Variants in LPP observed in about 807,000 individuals in gnomAD.
The protein encoded by LPP is lipoma-preferred partner.
Under a neutral mutation model 60.4 loss-of-function variants are expected in LPP, and 38 were observed. That is an observed-to-expected ratio of 0.63 (90% CI 0.49 to 0.83). LPP has a LOEUF of 0.83. Ranked by LOEUF, LPP falls within the 40% of genes least tolerant of loss-of-function variation. The probability of loss-of-function intolerance (pLI) is 0.00; values close to 1 mark genes in which losing one functional copy is unlikely to be tolerated. For synonymous variants in LPP, 328 were observed against 290.8 expected, an observed-to-expected ratio of 1.13 and a Z score of -1.30; for missense variants, 902 against 783.6, an observed-to-expected ratio of 1.15 and a Z score of -1.80.
At chr3:188,872,615 C>A (rs370881182) in intron 10 of LPP, 28 bp from the exon 11 acceptor site, 2 of 1,613,884 alleles carry the variant, frequency 1.2e-6, no homozygotes, top group Non-Finnish European at 1.7e-6. Flanking sequence ...CGCGCAGTAT[C>A]TAACCAGAAC....
At chr3:188,650,342 A>G (rs1368851928) in intron 7 of LPP, among the ~76,000 whole-genome samples, 2 of 152,180 alleles carry the variant, frequency 1.3e-5, no homozygotes, top group Non-Finnish European at 2.9e-5. Flanking sequence ...GTGAGCCAGA[A>G]TCCCCTGTAC....
intron 2 of LPP, among the ~76,000 whole-genome samples, chr3:188,265,880 T>TGTGC (rs943418571): frequency 6.6e-6 from 1 of 150,984 alleles, no homozygotes; most frequent in Non-Finnish European, 1.5e-5. Flanking sequence ...GGTGTGTGTG[T>TGTGC]GTGTGTGTGT....
intron 2 of LPP, among the ~76,000 whole-genome samples, chr3:188,238,374 A>C (rs1037309008): frequency 2.0e-5 from 3 of 150,418 alleles, no homozygotes; most frequent in African/African-American, 7.3e-5. Flanking sequence ...TCCTTTATGA[A>C]CTTTTTTTTT....
rs10576864 is a variant in LPP, at chr3:188,733,290, C to CGTGTGTGTGTGTGT, written c.1240+24912_1240+24925dup. 2.5e-4 allele frequency among the ~76,000 whole-genome samples: 37 copies of CGTGTGTGTGTGTGT among 147,180 alleles called. No individual in the cohort carries two copies. The South Asian group carries it at 6.3e-3, about 25-fold the overall frequency. ...GAATCTTACTTTACTTCACCAAAAA[C>CGTGTGTGTGTGTGT]GTGTGTGTGTGTGTGTGTGTGTGTG... On this transcript the variant is annotated intron_variant, in intron 8 of 11. Coordinates refer to ENST00000617246, the MANE Select transcript of LPP (RefSeq NM_001375462.1).
At chr3:188,249,804 C>T (rs2149543741) in intron 2 of LPP, among the ~76,000 whole-genome samples, 1 of 149,132 alleles carries the variant, frequency 6.7e-6, no homozygotes. Flanking sequence ...CCCCCTTCCT[C>T]CCTCCCTTCC....
intron 2 of LPP, among the ~76,000 whole-genome samples, chr3:188,271,943 A>T (rs919262718): frequency 6.6e-6 from 1 of 152,132 alleles, no homozygotes; most frequent in Non-Finnish European, 1.5e-5. Context: ...AGAATGAAGA[A>T]CCAGGGGCAA....
chr3:188,821,849 T>C (rs545175980), intron 9 of LPP, among the ~76,000 whole-genome samples: 35 of 152,266 alleles, frequency 2.3e-4, no homozygotes, highest in African/African-American at 7.7e-4. Flanking sequence ...CTTCTATTCT[T>C]ACATATTAAT....
intron 7 of LPP, among the ~76,000 whole-genome samples, chr3:188,623,314 G>A (rs1287399319): frequency 6.7e-6 from 1 of 148,418 alleles, no homozygotes; most frequent in East Asian, 2.0e-4. Context: ...CTAGGGTGCA[G>A]TGGCACAATC....
chr3:188,788,426 A>G (rs976272386), intron 9 of LPP, among the ~76,000 whole-genome samples: 1 of 152,164 alleles, frequency 6.6e-6, no homozygotes, highest in South Asian at 2.1e-4. Context: ...TCAGGCCTCC[A>G]TTTAGACATC....
intron 6 of LPP, among the ~76,000 whole-genome samples, chr3:188,532,350 A>C (rs1822414923): frequency 6.6e-6 from 1 of 152,112 alleles, no homozygotes; most frequent in South Asian, 2.1e-4. Flanking sequence ...GCTTGAACCT[A>C]GGAGACAGAG....
At position 188,562,707 on chromosome 3, in the gene LPP, A is replaced by T. The variant is rs942900958; in HGVS notation, c.429+37920A>T. 2.0e-5 allele frequency among the ~76,000 whole-genome samples: 3 copies of T among 151,980 alleles called. No homozygotes were observed. The East Asian group carries it at 5.8e-4, about 29-fold the overall frequency. On this transcript the variant is annotated intron_variant, in intron 6 of 11. Transcript: ENST00000617246. ...CCCCTTCATGTTTGTTAGTTTGGGA[A>T]AGAAGCAGTTTTATTTGAACTGAAC...
chr3:188,816,264 C>T (rs1049629792), intron 9 of LPP, among the ~76,000 whole-genome samples: 4 of 145,592 alleles, frequency 2.7e-5, no homozygotes, highest in South Asian at 2.2e-4. Context: ...TGCGGTGGCA[C>T]GATCTTGGCT....
intron 6 of LPP, among the ~76,000 whole-genome samples, chr3:188,605,709 T>C (rs939781776): frequency 2.6e-5 from 4 of 152,178 alleles, no homozygotes; most frequent in Non-Finnish European, 5.9e-5. Context: ...ATATATTGGG[T>C]ATTGTCATTA....
intron 9 of LPP, among the ~76,000 whole-genome samples, chr3:188,848,150 A>G (rs578092419): frequency 1.3e-5 from 2 of 152,348 alleles, no homozygotes; most frequent in African/African-American, 4.8e-5. Flanking sequence ...TATGATTACA[A>G]TAGTCATTTG....
At chr3:188,680,799 T>C (rs377048232) in intron 7 of LPP, among the ~76,000 whole-genome samples, 21 of 152,292 alleles carry the variant, frequency 1.4e-4, no homozygotes, top group Middle Eastern at 6.8e-3. Context: ...CTTCTGTAAA[T>C]GTCACCTCAA....
intron 4 of LPP, among the ~76,000 whole-genome samples, chr3:188,462,364 G>A (rs1332122995): frequency 1.3e-5 from 2 of 150,972 alleles, no homozygotes; most frequent in African/African-American, 4.9e-5. Flanking sequence ...ATACTCTTCA[G>A]TTTGATATGC....
At chr3:188,748,646 G>A (rs545910193) in intron 8 of LPP, among the ~76,000 whole-genome samples, 5 of 152,198 alleles carry the variant, frequency 3.3e-5, no homozygotes, top group Admixed American at 3.3e-4. Context: ...AGCTGGGCAT[G>A]GTGACGTGCG....
At chr3:188,613,024 T>C (rs546044682) in intron 7 of LPP, among the ~76,000 whole-genome samples, 15 of 152,214 alleles carry the variant, frequency 9.9e-5, no homozygotes, top group African/African-American at 3.1e-4. Flanking sequence ...AGCAGTGAAT[T>C]TGCATGCTAC....
intron 4 of LPP, among the ~76,000 whole-genome samples, chr3:188,482,162 G>T (rs1164653531): frequency 6.6e-6 from 1 of 152,160 alleles, no homozygotes; most frequent in Non-Finnish European, 1.5e-5. Flanking sequence ...CTTCTGCCGT[G>T]ATTGTAACTT....
Sources: gnomAD v4.1 joint callset for allele counts (sites outside exome capture counted in the v4.1 genomes callset) on GRCh38, gnomAD v4.1.1 for gene constraint, MANE v1.5 for transcripts, NCBI Gene and HGNC (gene_info 2026-07-23, HGNC 2026-07-21) for gene names.